The following LARS2 variants were observed in gnomAD, a reference collection of about 807,000 sequenced individuals.
The protein encoded by LARS2 is leucyl-tRNA synthetase 2, mitochondrial, also known as leucine--tRNA ligase, mitochondrial.
Under a neutral mutation model 116.6 loss-of-function variants are expected in LARS2, and 81 were observed. The ratio of observed to expected loss-of-function variants is 0.69; its 90% CI spans 0.58 to 0.84. The LOEUF is 0.84. Among genes scored for constraint, LARS2 ranks in the 40% least tolerant of loss-of-function variants. The probability of loss-of-function intolerance (pLI) is 0.00; values close to 1 mark genes in which losing one functional copy is unlikely to be tolerated. For missense variants in LARS2, 968 were observed against 1,114.5 expected, an observed-to-expected ratio of 0.87 and a Z score of 1.87; for synonymous variants, 396 against 407.2, an observed-to-expected ratio of 0.97 and a Z score of 0.33.
At chr3:45,540,039 C>T (rs781507790) in intron 20 of LARS2, among the ~76,000 whole-genome samples, 1 of 152,118 alleles carries the variant, frequency 6.6e-6, no homozygotes, top group Admixed American at 6.5e-5. Context: ...GGGTGCATCA[C>T]CTGAGATCAG....
chr3:45,428,427 A>C (rs1021265640), intron 6 of LARS2, among the ~76,000 whole-genome samples: 1 of 151,216 alleles, frequency 6.6e-6, no homozygotes. Flanking sequence ...TTATATTTTT[A>C]GTAGAGACAG....
chr3:45,472,363 G>T (rs1699542037), intron 8 of LARS2, among the ~76,000 whole-genome samples: 1 of 152,114 alleles, frequency 6.6e-6, no homozygotes, highest in Non-Finnish European at 1.5e-5. Context: ...TGGCAAGTTT[G>T]TCCCCTTTCA....
At chr3:45,455,037 T>C (rs945069678) in intron 7 of LARS2, among the ~76,000 whole-genome samples, 1 of 152,140 alleles carries the variant, frequency 6.6e-6, no homozygotes. Flanking sequence ...TCACAGATGA[T>C]GCATCTTTTG....
In LARS2 at chr3:45,547,623, G is replaced by T; in HGVS notation, c.*93G>T. 8.3e-7 allele frequency: 1 copy of T among 1,201,310 alleles called. No individual in the cohort carries two copies. Among genetic ancestry groups the T allele is most frequent in the Non-Finnish European group, 1.2e-6 (1 of 849,132 alleles). The allele number at this position is 1,201,310 out of a possible 1,614,324, so 74.4% of individuals were successfully genotyped here. On this transcript the variant is annotated 3_prime_UTR_variant, in exon 22 of 22. Transcript: ENST00000645846. ...CGATGTCTGCTGGCCCAGGGGAAGG[G>T]AAAAGACAAATGTCTTGACTGTTGA...
chr3:45,433,304 A>T (rs983599617), intron 6 of LARS2, among the ~76,000 whole-genome samples: 2 of 152,056 alleles, frequency 1.3e-5, no homozygotes, highest in East Asian at 3.8e-4. Context: ...GTTTTCTGGT[A>T]TCTCCTGTTT....
intron 2 of LARS2, among the ~76,000 whole-genome samples, chr3:45,392,302 C>CT (rs749403733): frequency 0.012 from 1,699 of 138,196 alleles, 29 homozygotes; most frequent in African/African-American, 0.035. Context: ...TCTTTTTTAT[C>CT]TTTTTTTTTT....
At chr3:45,529,178 A>G (rs1242815583) in intron 20 of LARS2, among the ~76,000 whole-genome samples, 2 of 152,050 alleles carry the variant, frequency 1.3e-5, no homozygotes, top group Admixed American at 6.5e-5. Flanking sequence ...CTACAACATC[A>G]TTTTTAATGG....
rs1039848237 is a variant in LARS2, at chr3:45,391,623, G to A, written c.-47G>A. 1 of 151,612 alleles carries A rather than the reference G, an allele frequency of 6.6e-6. No individual in the cohort carries two copies. The highest frequency in any genetic ancestry group is 2.4e-5 in the African/African-American group (1 of 41,270). 9.4% of individuals were successfully genotyped at this position (151,612 alleles called of 1,614,324 possible). A position where few individuals can be genotyped will look rare whatever the true frequency, so the allele number is the denominator to read the frequency against. ...TAAAAAACATTATTTAATCTATCTG[G>A]GATTTACTCCGGCTTATGATTTGAG... On this transcript the variant is annotated 5_prime_UTR_variant, in exon 2 of 22. Coordinates refer to ENST00000645846, the MANE Select transcript of LARS2 (RefSeq NM_015340.4).
At chr3:45,400,669 TACTC>T (rs1440708106) in intron 4 of LARS2, among the ~76,000 whole-genome samples, 1 of 152,160 alleles carries the variant, frequency 6.6e-6, no homozygotes, top group Middle Eastern at 3.2e-3. Flanking sequence ...TCCCAGGAGA[TACTC>T]ACCCATGAGT....
chr3:45,405,727 C>T (rs1172961833), intron 4 of LARS2, among the ~76,000 whole-genome samples: 1 of 152,126 alleles, frequency 6.6e-6, no homozygotes, highest in Non-Finnish European at 1.5e-5. Flanking sequence ...TAAACAATCC[C>T]CAAATCTCAG....
chr3:45,479,296 G>A, intron 10 of LARS2, among the ~76,000 whole-genome samples: 1 of 152,158 alleles, frequency 6.6e-6, no homozygotes, highest in South Asian at 2.1e-4. Context: ...AGGACCTTGT[G>A]GGTAGAGAAG....
chr3:45,402,145 C>T (rs1165730840), intron 4 of LARS2, among the ~76,000 whole-genome samples: 1 of 152,184 alleles, frequency 6.6e-6, no homozygotes, highest in African/African-American at 2.4e-5. Context: ...ACCTTGTTTT[C>T]TCTCATCTAT....
chr3:45,529,405 C>T (rs1700581031), intron 20 of LARS2, among the ~76,000 whole-genome samples: 2 of 151,932 alleles, frequency 1.3e-5, no homozygotes, highest in Non-Finnish European at 2.9e-5. Flanking sequence ...CAAAATTAGC[C>T]GGGCGTGGTG....
chr3:45,546,872 C>G (rs937979702), intron 21 of LARS2, among the ~76,000 whole-genome samples: 4 of 152,228 alleles, frequency 2.6e-5, no homozygotes, highest in Non-Finnish European at 4.4e-5. Flanking sequence ...AGAAGTTTGA[C>G]TGTGTCCCCC....
At chr3:45,417,676 C>T in intron 5 of LARS2, 103 bp downstream of exon 5, 2 of 696,544 alleles carry the variant, frequency 2.9e-6, no homozygotes, top group South Asian at 3.3e-5. Flanking sequence ...CAAAACACTG[C>T]AGCGTACCAA....
intron 19 of LARS2, among the ~76,000 whole-genome samples, chr3:45,523,253 AG>A (rs1254099957): frequency 6.6e-6 from 1 of 152,226 alleles, no homozygotes; most frequent in East Asian, 1.9e-4. Context: ...TTCAGAGAAT[AG>A]GGGTCCCTAA....
At chr3:45,496,193 C>A in intron 13 of LARS2, 82 bp from the exon 14 acceptor site, 2 of 1,080,892 alleles carry the variant, frequency 1.9e-6, no homozygotes, top group Non-Finnish European at 2.8e-6. Flanking sequence ...TAAATTCATA[C>A]TTATAGCTCT....
intron 15 of LARS2, among the ~76,000 whole-genome samples, chr3:45,501,175 A>G (rs1362968832): frequency 4.1e-5 from 2 of 49,242 alleles, no homozygotes; most frequent in African/African-American, 6.8e-5. Context: ...ATTTTTATAT[A>G]TGAACATACA....
chr3:45,399,578 CT>C (rs112045519), intron 3 of LARS2, among the ~76,000 whole-genome samples: 1,702 of 151,874 alleles, frequency 0.011, 31 homozygotes, highest in African/African-American at 0.037. Context: ...GCGCTGAATT[CT>C]TTCTTGCGTG....
Sources: gnomAD v4.1 joint callset for allele counts (sites outside exome capture counted in the v4.1 genomes callset) on GRCh38, gnomAD v4.1.1 for gene constraint, MANE v1.5 for transcripts, NCBI Gene and HGNC (gene_info 2026-07-23, HGNC 2026-07-21) for gene names.